The following CDK15 variants were observed in gnomAD, a reference collection of about 807,000 sequenced individuals.
The protein encoded by CDK15 is cyclin dependent kinase 15.
In CDK15, 62 loss-of-function variants were observed where a neutral mutation model predicts 60.3. That is an observed-to-expected ratio of 1.03 (90% confidence interval 0.84 to 1.27). The LOEUF (loss-of-function observed/expected upper bound fraction) is 1.27. Among genes scored for constraint, CDK15 ranks in the 50% most tolerant of loss-of-function variants. CDK15 has a pLI of 0.00. For missense variants in CDK15, 541 were observed against 527.8 expected (o/e 1.03, Z -0.25); for synonymous variants, 194 against 195.7 (o/e 0.99, Z 0.07).
intron 12 of CDK15, chr2:201,889,389 T>C: frequency 2.0e-6 from 2 of 985,458 alleles, no homozygotes; most frequent in Non-Finnish European, 2.4e-6. Context: ...TTCTCAGATA[T>C]CTGTGCTAAT....
At chr2:201,826,805 C>T (rs1386487074) in intron 6 of CDK15, among the ~76,000 whole-genome samples, 1 of 152,136 alleles carries the variant, frequency 6.6e-6, no homozygotes, top group Non-Finnish European at 1.5e-5. Flanking sequence ...ACTTTTGCTC[C>T]AATTGTAACT....
At chr2:201,845,842 AAAAAGAG>A (rs1697631400) in intron 8 of CDK15, among the ~76,000 whole-genome samples, 1 of 126,506 alleles carries the variant, frequency 7.9e-6, no homozygotes, top group African/African-American at 3.1e-5. Context: ...GTTAAAAAAA[AAAAAGAG>A]AGAGAGAGAG....
intron 12 of CDK15, chr2:201,889,356 G>A: frequency 1.0e-6 from 1 of 984,182 alleles, no homozygotes; most frequent in Non-Finnish European, 1.2e-6. Flanking sequence ...TGGTGACAAT[G>A]TGGCTGCTGC....
chr2:201,888,033 CTTT>C (rs80136808), intron 12 of CDK15, among the ~76,000 whole-genome samples: 83 of 126,422 alleles, frequency 6.6e-4, no homozygotes, highest in Middle Eastern at 4.1e-3. Context: ...AATTTTCAAC[CTTT>C]TTTTTTTTTT....
chr2:201,874,878 T>G (rs1699013965), intron 11 of CDK15, among the ~76,000 whole-genome samples: 1 of 152,208 alleles, frequency 6.6e-6, no homozygotes, highest in Non-Finnish European at 1.5e-5. Context: ...ACTCTATCCC[T>G]GCCCTGTTCC....
intron 6 of CDK15, among the ~76,000 whole-genome samples, chr2:201,832,066 G>A (rs1281304276): frequency 1.4e-5 from 2 of 143,652 alleles, no homozygotes; most frequent in Non-Finnish European, 3.0e-5. Flanking sequence ...TTTTTTTTGA[G>A]ATGGAGTCTT....
At chr2:201,844,546 A>T (rs563933215) in intron 8 of CDK15, among the ~76,000 whole-genome samples, 1 of 152,380 alleles carries the variant, frequency 6.6e-6, no homozygotes, top group East Asian at 1.9e-4. Context: ...TAAAATAATA[A>T]TAATTCTACA....
chr2:201,842,497 A>G (rs1697436319), intron 8 of CDK15, among the ~76,000 whole-genome samples: 1 of 152,238 alleles, frequency 6.6e-6, no homozygotes, highest in African/African-American at 2.4e-5. Flanking sequence ...TGAGAATGTC[A>G]TGTCACTGCC....
chr2:201,889,554 T>G, intron 12 of CDK15: 1 of 407,584 alleles, frequency 2.5e-6, no homozygotes, highest in Non-Finnish European at 3.3e-6. Context: ...AATGTCAACT[T>G]TTGGAGGAAC....
At chr2:201,820,654 T>C (rs887036627) in intron 4 of CDK15, among the ~76,000 whole-genome samples, 1 of 152,160 alleles carries the variant, frequency 6.6e-6, no homozygotes, top group Non-Finnish European at 1.5e-5. Context: ...AATAAATATG[T>C]TTGACAAATT....
chr2:201,843,421 A>G (rs1697492144), intron 8 of CDK15, among the ~76,000 whole-genome samples: 1 of 152,106 alleles, frequency 6.6e-6, no homozygotes, highest in Non-Finnish European at 1.5e-5. Context: ...TGACCTCATG[A>G]TCTGCCCGCC....
chr2:201,837,431 A>G (rs1697160668), intron 8 of CDK15, among the ~76,000 whole-genome samples: 1 of 82,566 alleles, frequency 1.2e-5, no homozygotes, highest in Admixed American at 1.4e-4. Flanking sequence ...GGAGGGAGGA[A>G]GGGAAGGAAG....
chr2:201,825,698 G>A (rs1696452348), intron 6 of CDK15, among the ~76,000 whole-genome samples: 1 of 152,158 alleles, frequency 6.6e-6, no homozygotes, highest in Admixed American at 6.5e-5. Flanking sequence ...AGAGAATGTA[G>A]ACAGTTGGAT....
At chr2:201,809,741 A>G (rs1695672864) in intron 3 of CDK15, among the ~76,000 whole-genome samples, 1 of 152,068 alleles carries the variant, frequency 6.6e-6, no homozygotes, top group Non-Finnish European at 1.5e-5. Flanking sequence ...ATTCCCCGGC[A>G]CACACTCAGC....
chr2:201,807,980 T>C (rs1695594089), intron 3 of CDK15, 28 bp downstream of exon 3: 1 of 1,585,234 alleles, frequency 6.3e-7, no homozygotes, highest in South Asian at 1.1e-5. Context: ...GGGAGAGACT[T>C]TAGAGATGAG....
At chr2:201,851,709 G>A (rs1484686676) in intron 9 of CDK15, among the ~76,000 whole-genome samples, 1 of 152,090 alleles carries the variant, frequency 6.6e-6, no homozygotes, top group African/African-American at 2.4e-5. Flanking sequence ...GCCCAGGCTG[G>A]AATGCAGTGG....
chr2:201,882,214 TGTGA>T lies in CDK15; in HGVS notation c.1198+2049_1198+2052del, dbSNP rs1285109732. The stretch of plus-strand genomic sequence containing the variant: ...GTGTGTGCGTATGTGTGTGTGTGTG[TGTGA>T]GAGAGAGACAGAGAGAACAATCTGT... On this transcript the variant is annotated intron_variant, in intron 12 of 13. Coordinates refer to ENST00000652192, the MANE Select transcript of CDK15 (RefSeq NM_001366386.2). The surrounding 1 kb of genome is among the most constrained non-coding windows in gnomAD (Gnocchi z 4.0). Among the ~76,000 whole-genome samples, 4 of 150,506 alleles carry T rather than the reference TGTGA, an allele frequency of 2.7e-5. No individual in the cohort carries two copies. Among genetic ancestry groups the T allele is most frequent in the East Asian group, 2.0e-4 (1 of 4,984 alleles).
At chr2:201,884,458 G>A (rs533636474) in intron 12 of CDK15, among the ~76,000 whole-genome samples, 4 of 152,260 alleles carry the variant, frequency 2.6e-5, no homozygotes, top group African/African-American at 4.8e-5. Context: ...ACACCATCCC[G>A]ATATCTATAC....
chr2:201,822,822 G>C lies in CDK15; in HGVS notation c.462G>C (p.Lys154Asn). The C allele has an allele frequency of 1.9e-6, 3 of 1,607,890 alleles. No individual in the cohort carries two copies. The highest frequency in any genetic ancestry group is 2.6e-6 in the Non-Finnish European group (3 of 1,174,698). ...TAATTTTTCTAGCTTCTCTCCTGAA[G>C]GGTTTGAAACATGCCAATATTGTGC... Reference protein sequence around the residue: ...FTAIREASLLKGLKHANIVLL... With the variant: ...FTAIREASLLNGLKHANIVLL... The change falls in exon 5 of 14, where the codon AAG (lysine) becomes AAC (asparagine). Residue 154 changes from lysine (K) to asparagine (N), a missense_variant. By Grantham distance (94) the Lys-to-Asn change is moderately conservative (BLOSUM62 0). Coordinates refer to ENST00000652192, the MANE Select transcript of CDK15 (RefSeq NM_001366386.2).
Sources: allele counts gnomAD v4.1 joint callset (sites outside exome capture counted in the v4.1 genomes callset), GRCh38; gene constraint gnomAD v4.1.1; non-coding constraint Gnocchi (gnomAD v3.1); transcripts MANE v1.5; gene names NCBI Gene and HGNC (gene_info 2026-07-23, HGNC 2026-07-21).